The following ERCC6L2 variants were observed in gnomAD, a reference collection of about 807,000 sequenced individuals.
The protein encoded by ERCC6L2 is DNA excision repair protein ERCC-6-like 2.
In ERCC6L2, 77 loss-of-function variants were observed where a neutral mutation model predicts 132.0. The ratio of observed to expected loss-of-function variants is 0.58; its 90% confidence interval spans 0.49 to 0.71. The LOEUF is 0.71. ERCC6L2 is among the 30% of genes least tolerant of loss of function. The pLI is 0.00. For synonymous variants in ERCC6L2, 583 were observed against 632.4 expected, an observed-to-expected ratio of 0.92 and a Z score of 1.17; for missense variants, 1,542 against 1,837.6, an observed-to-expected ratio of 0.84 and a Z score of 2.94.
chr9:95,929,337 T>C (rs1830238221), intron 11 of ERCC6L2, among the ~76,000 whole-genome samples: 1 of 152,216 alleles, frequency 6.6e-6, no homozygotes, highest in Non-Finnish European at 1.5e-5. Context: ...AAAGGTAAAT[T>C]GGTTCTAACC....
intron 4 of ERCC6L2, among the ~76,000 whole-genome samples, chr9:95,908,400 C>T (rs1205481174): frequency 6.6e-6 from 1 of 152,164 alleles, no homozygotes; most frequent in African/African-American, 2.4e-5. Flanking sequence ...AGAAGGCAGT[C>T]ATCTGCAAGC....
intron 4 of ERCC6L2, among the ~76,000 whole-genome samples, chr9:95,912,520 A>G (rs959747976): frequency 1.3e-5 from 2 of 152,188 alleles, no homozygotes; most frequent in African/African-American, 4.8e-5. Flanking sequence ...AAAACATGAC[A>G]TCCTTATCCC....
intron 17 of ERCC6L2, among the ~76,000 whole-genome samples, chr9:95,980,737 T>C (rs1204615109): frequency 6.6e-6 from 1 of 151,952 alleles, no homozygotes; most frequent in Non-Finnish European, 1.5e-5. Flanking sequence ...TGAAAAAAAT[T>C]AAAAAGTTAC....
At chr9:96,006,085 A>G (rs761419243) in intron 18 of ERCC6L2, among the ~76,000 whole-genome samples, 2 of 152,198 alleles carry the variant, frequency 1.3e-5, no homozygotes, top group Non-Finnish European at 2.9e-5. Context: ...TCAGTAGGCA[A>G]TGTATGTATG....
intron 18 of ERCC6L2, among the ~76,000 whole-genome samples, chr9:96,011,674 A>C (rs1318621303): frequency 6.6e-6 from 1 of 152,324 alleles, no homozygotes; most frequent in Admixed American, 6.5e-5. Flanking sequence ...TGGGGAAAAA[A>C]TAGTCTAGGT....
At chr9:95,942,943 T>A (rs1476150786) in intron 12 of ERCC6L2, among the ~76,000 whole-genome samples, 1 of 152,086 alleles carries the variant, frequency 6.6e-6, no homozygotes, top group Non-Finnish European at 1.5e-5. Flanking sequence ...AGATACATTG[T>A]TAACAAAGAA....
At chr9:95,968,469 C>G (rs1056407416) in intron 14 of ERCC6L2, 1 of 152,152 alleles carries the variant, frequency 6.6e-6, no homozygotes, top group Admixed American at 6.5e-5. Flanking sequence ...TGGTTAGATT[C>G]ATGCTGCTTT....
At chr9:95,891,097 A>G (rs961162775) in intron 2 of ERCC6L2, among the ~76,000 whole-genome samples, 1 of 152,166 alleles carries the variant, frequency 6.6e-6, no homozygotes, top group African/African-American at 2.4e-5. Flanking sequence ...CTGTAATCCC[A>G]GCTAACTCAG....
chr9:95,913,428 A>C (rs975074908), intron 4 of ERCC6L2, among the ~76,000 whole-genome samples: 1 of 152,078 alleles, frequency 6.6e-6, no homozygotes, highest in African/African-American at 2.4e-5. Flanking sequence ...AAAGTTTCTT[A>C]CACCCTTCGC....
chr9:95,883,635 C>T (rs1286085203), intron 2 of ERCC6L2, among the ~76,000 whole-genome samples: 3 of 152,102 alleles, frequency 2.0e-5, no homozygotes, highest in African/African-American at 4.8e-5. Flanking sequence ...CCAAGGCGGG[C>T]GGATCACGAG....
chr9:95,906,631 A>C (rs762530178), intron 3 of ERCC6L2: 1 of 456,258 alleles, frequency 2.2e-6, no homozygotes, highest in South Asian at 1.6e-5. Context: ...AAAGAGGGGG[A>C]GCGGAAATGG....
chr9:95,955,410 G>T (rs1489151288), intron 12 of ERCC6L2, among the ~76,000 whole-genome samples: 1 of 148,658 alleles, frequency 6.7e-6, no homozygotes, highest in Non-Finnish European at 1.5e-5. Context: ...TTATGTACAT[G>T]TAAAACCATC....
chr9:96,020,310 T>G, downstream of ERCC6L2: 1 of 168,288 alleles, frequency 5.9e-6, no homozygotes, highest in Admixed American at 5.5e-5. Flanking sequence ...GAGATTTGGG[T>G]GGGGAAACAG....
At chr9:95,891,828 T>C (rs1676320858) in intron 2 of ERCC6L2, among the ~76,000 whole-genome samples, 1 of 152,330 alleles carries the variant, frequency 6.6e-6, no homozygotes, top group Non-Finnish European at 1.5e-5. Context: ...TGTGCTTTTT[T>C]GGCCCTTTGT....
chr9:95,971,070 T>A (rs1338746120), intron 15 of ERCC6L2, among the ~76,000 whole-genome samples: 2 of 152,206 alleles, frequency 1.3e-5, no homozygotes, highest in Admixed American at 6.5e-5. Flanking sequence ...AATTTTGTGA[T>A]CTTTTTAGTA....
intron 18 of ERCC6L2, among the ~76,000 whole-genome samples, chr9:96,007,935 C>A (rs1307162673): frequency 6.6e-6 from 1 of 152,172 alleles, no homozygotes; most frequent in Non-Finnish European, 1.5e-5. Context: ...GGTTCCTCAG[C>A]TGCCCAGGGA....
intron 17 of ERCC6L2, among the ~76,000 whole-genome samples, chr9:95,982,146 G>C (rs1479418627): frequency 6.6e-6 from 1 of 152,120 alleles, no homozygotes; most frequent in African/African-American, 2.4e-5. Context: ...TTAATAGTAA[G>C]CCCCTCTTTA....
At chr9:95,949,047 G>GA (rs1831204342) in intron 12 of ERCC6L2, among the ~76,000 whole-genome samples, 1 of 151,020 alleles carries the variant, frequency 6.6e-6, no homozygotes, top group Admixed American at 6.6e-5. Context: ...AAGAAAAAAA[G>GA]AGAGAGAACC....
chr9:95,957,146 A>C (rs893907142), intron 13 of ERCC6L2, among the ~76,000 whole-genome samples: 3 of 152,258 alleles, frequency 2.0e-5, no homozygotes, highest in Admixed American at 2.0e-4. Context: ...CCTCTAAACA[A>C]ACAATATTTA....
Sources: allele counts gnomAD v4.1 joint callset (sites outside exome capture counted in the v4.1 genomes callset), GRCh38; gene constraint gnomAD v4.1.1; transcripts MANE v1.5; gene names NCBI Gene and HGNC (gene_info 2026-07-23, HGNC 2026-07-21).